The following SNTG1 variants were observed in gnomAD, a reference collection of about 807,000 sequenced individuals.
SNTG1 encodes the protein syntrophin gamma 1.
SNTG1 carries 39 observed loss-of-function variants against 74.7 expected under a neutral mutation model. The ratio of observed to expected loss-of-function variants is 0.52; its 90% CI spans 0.40 to 0.68. SNTG1 has a LOEUF of 0.68. Ranked by LOEUF, SNTG1 falls within the 30% of genes least tolerant of loss-of-function variation. The probability of loss-of-function intolerance (pLI) is 0.00; values close to 1 mark genes in which losing one functional copy is unlikely to be tolerated. For missense variants in SNTG1, 685 were observed against 609.5 expected, an observed-to-expected ratio of 1.12 and a Z score of -1.30; for synonymous variants, 254 against 217.1, an observed-to-expected ratio of 1.17 and a Z score of -1.49.
At chr8:50,734,963 A>ATATATG (rs1563792861) in intron 17 of SNTG1, among the ~76,000 whole-genome samples, 2 of 60,632 alleles carry the variant, frequency 3.3e-5, no homozygotes, top group South Asian at 7.3e-4. Context: ...ATATCTATAT[A>ATATATG]TCCATATATA....
intron 1 of SNTG1, among the ~76,000 whole-genome samples, chr8:50,047,909 C>T (rs539225907): frequency 1.3e-5 from 2 of 152,198 alleles, no homozygotes; most frequent in African/African-American, 4.8e-5. Flanking sequence ...GTGGTTAAGA[C>T]TTAAGGATCA....
chr8:50,755,643 A>G (rs1023919874), intron 18 of SNTG1, among the ~76,000 whole-genome samples: 15 of 151,930 alleles, frequency 9.9e-5, no homozygotes, highest in African/African-American at 3.4e-4. Flanking sequence ...GCTAGATCAT[A>G]TGGTAAAACA....
At chr8:50,536,208 T>C (rs2094306067) in intron 10 of SNTG1, among the ~76,000 whole-genome samples, 1 of 152,204 alleles carries the variant, frequency 6.6e-6, no homozygotes, top group African/African-American at 2.4e-5. Context: ...ATAGGAAAGC[T>C]TATTCTATTC....
intron 8 of SNTG1, chr8:50,458,025 T>C (rs2093523189): frequency 6.6e-6 from 1 of 152,192 alleles, no homozygotes. Context: ...GACTCTCCTG[T>C]TGCAAACAGG....
intron 2 of SNTG1, among the ~76,000 whole-genome samples, chr8:50,234,101 A>G (rs573313617): frequency 5.9e-5 from 9 of 152,064 alleles, no homozygotes; most frequent in Admixed American, 1.3e-4. Context: ...ATCCATACAC[A>G]ATTATTCATA....
chr8:50,610,976 C>CAA (rs34743525), intron 13 of SNTG1, among the ~76,000 whole-genome samples: 2,792 of 151,248 alleles, frequency 0.018, 41 homozygotes, highest in African/African-American at 0.022. Context: ...TAAGAAATAG[C>CAA]AAAAAAAAAT....
rs888981705 is a variant in SNTG1 at position 50,796,415 on chromosome 8, C to T, written c.*3586C>T. 1 of 151,518 alleles carries T rather than the reference C, an allele frequency of 6.6e-6. No homozygotes were observed. The highest frequency in any genetic ancestry group is 6.6e-5 in the Admixed American group (1 of 15,182). The allele number at this position is 151,518 out of a possible 1,614,324, so 9.4% of individuals were successfully genotyped here. A position where few individuals can be genotyped will look rare whatever the true frequency, so the allele number is the denominator to read the frequency against. ...TACCGAATACTTTAAAATCATAATG[C>T]CACTTATTTGCACATTTGAATTTGC... On this transcript the variant is annotated 3_prime_UTR_variant, in exon 19 of 19. Coordinates refer to ENST00000642720, the MANE Select transcript of SNTG1 (RefSeq NM_018967.5).
chr8:50,490,974 C>G (rs940933248), intron 8 of SNTG1: 1 of 153,258 alleles, frequency 6.5e-6, no homozygotes, highest in Non-Finnish European at 1.5e-5. Flanking sequence ...CCAAGCCTAT[C>G]AATCATGTCT....
At chr8:50,098,183 A>G (rs2079997571) in intron 1 of SNTG1, among the ~76,000 whole-genome samples, 2 of 152,132 alleles carry the variant, frequency 1.3e-5, no homozygotes, top group African/African-American at 4.8e-5. Context: ...TCATGGTTTC[A>G]AATCTTTCCA....
intron 8 of SNTG1, among the ~76,000 whole-genome samples, chr8:50,467,694 TTGC>T (rs2093620073): frequency 6.6e-6 from 1 of 151,984 alleles, no homozygotes; most frequent in Non-Finnish European, 1.5e-5. Flanking sequence ...TAGGCTTTGA[TTGC>T]TGCTTTTTCT....
rs372793229 is a variant in SNTG1 at position 50,231,496 on chromosome 8, G to A, written c.-28+58861G>A. On this transcript the variant is annotated intron_variant, in intron 2 of 18. Coordinates refer to ENST00000642720, the MANE Select transcript of SNTG1 (RefSeq NM_018967.5). The stretch of plus-strand genomic sequence containing the variant: ...TGAATAAACCTAAGTGTCTATGAAG[G>A]GATGAATGAATAAAGAAAATGTAAT... Among the ~76,000 whole-genome samples the A allele has an allele frequency of 1.5e-4, 22 of 151,316 alleles. No individual in the cohort carries two copies. In the East Asian group the frequency reaches 3.9e-3, roughly 27 times the overall value.
chr8:50,705,312 A>T (rs2131533633), intron 16 of SNTG1, among the ~76,000 whole-genome samples: 1 of 152,274 alleles, frequency 6.6e-6, no homozygotes, highest in Non-Finnish European at 1.5e-5. Context: ...ACACAATATA[A>T]TGTACTTTTC....
At chr8:50,763,647 ATTGTGT>A (rs2095605289) in intron 18 of SNTG1, among the ~76,000 whole-genome samples, 2 of 82,670 alleles carry the variant, frequency 2.4e-5, no homozygotes, top group Admixed American at 2.5e-4. Context: ...GATTGCCTTT[ATTGTGT>A]GTGTGTGTGT....
intron 1 of SNTG1, among the ~76,000 whole-genome samples, chr8:49,926,931 G>T (rs1315862065): frequency 6.6e-6 from 1 of 152,040 alleles, no homozygotes; most frequent in Admixed American, 6.6e-5. Flanking sequence ...ATCGGTAAAG[G>T]ACCTTAACAA....
chr8:50,384,815 A>C (rs1476389632), intron 2 of SNTG1, among the ~76,000 whole-genome samples: 1 of 152,112 alleles, frequency 6.6e-6, no homozygotes, highest in Non-Finnish European at 1.5e-5. Flanking sequence ...TTTCTCTTGT[A>C]AACTATTTGT....
At chr8:50,524,810 A>G (rs546529826) in intron 9 of SNTG1, among the ~76,000 whole-genome samples, 1 of 152,242 alleles carries the variant, frequency 6.6e-6, no homozygotes, top group East Asian at 1.9e-4. Flanking sequence ...GCAGATGTGA[A>G]TTTTGGTATG....
chr8:50,206,811 C>G (rs183359561), intron 2 of SNTG1, among the ~76,000 whole-genome samples: 3 of 152,158 alleles, frequency 2.0e-5, no homozygotes, highest in East Asian at 3.8e-4. Flanking sequence ...TTTTCTGCAT[C>G]TATTGAGACA....
intron 9 of SNTG1, among the ~76,000 whole-genome samples, chr8:50,508,652 G>T (rs975343167): frequency 2.0e-5 from 3 of 152,132 alleles, no homozygotes; most frequent in African/African-American, 7.2e-5. Context: ...GTTTTGATTT[G>T]CATTTCTCTG....
chr8:50,350,895 T>G (rs1439910492), intron 2 of SNTG1, among the ~76,000 whole-genome samples: 3 of 152,188 alleles, frequency 2.0e-5, no homozygotes, highest in Non-Finnish European at 4.4e-5. Context: ...GATAAGAGAA[T>G]GAAAGCAGGC....
Sources: gnomAD v4.1 joint callset for allele counts (sites outside exome capture counted in the v4.1 genomes callset) on GRCh38, gnomAD v4.1.1 for gene constraint, MANE v1.5 for transcripts, NCBI Gene and HGNC (gene_info 2026-07-23, HGNC 2026-07-21) for gene names.